The following BUB1 variants were observed in gnomAD, a reference collection of about 807,000 sequenced individuals.
BUB1 encodes mitotic checkpoint serine/threonine-protein kinase BUB1.
Under a neutral mutation model 135.2 loss-of-function variants are expected in BUB1, and 84 were observed. The ratio of observed to expected loss-of-function variants is 0.62; its 90% CI spans 0.52 to 0.74. The LOEUF (loss-of-function observed/expected upper bound fraction) is 0.74, where lower values mean the gene tolerates loss of function less well. BUB1 is among the 30% of genes least tolerant of loss of function. The pLI, the probability that BUB1 is intolerant of heterozygous loss-of-function variation, is 0.00. For missense variants in BUB1, 1,162 were observed against 1,288.3 expected, an observed-to-expected ratio of 0.90 and a Z score of 1.50; for synonymous variants, 403 against 434.4, an observed-to-expected ratio of 0.93 and a Z score of 0.90.
intron 11 of BUB1, among the ~76,000 whole-genome samples, chr2:110,659,113 G>A (rs1028588589): frequency 6.6e-6 from 1 of 152,138 alleles, no homozygotes; most frequent in Non-Finnish European, 1.5e-5. Context: ...CTGCAGTCAG[G>A]CATAGAATAC....
chr2:110,642,095 CAA>C (rs1301732912), intron 20 of BUB1, 22 bp downstream of exon 20: 2 of 1,529,112 alleles, frequency 1.3e-6, no homozygotes. Flanking sequence ...CTATATCATA[CAA>C]AAGACAACTC....
chr2:110,672,769 C>T lies in BUB1; in HGVS notation c.314G>A (p.Trp105Ter). ...GTLSSPLYIA[W>*]AGHLEAQGEL... The stretch of plus-strand genomic sequence containing the variant: ...TCCTTGGGCTTCCAGATGCCCCGCC[C>T]AGGCAATGTACAGAGGGGATGACAG... The change falls in exon 4 of 25, where the codon TGG (tryptophan) becomes TAG (stop). Residue 105 changes from tryptophan to a stop codon, truncating the protein, a stop_gained. Transcript: ENST00000302759. LOFTEE classifies it high-confidence loss of function. 1 of 1,614,148 alleles carries T rather than the reference C, an allele frequency of 6.2e-7. No homozygotes were observed. Among genetic ancestry groups the T allele is most frequent in the Non-Finnish European group, 8.5e-7 (1 of 1,180,016 alleles).
chr2:110,664,026 C>CAAA (rs77906765), intron 9 of BUB1, among the ~76,000 whole-genome samples: 3 of 42,762 alleles, frequency 7.0e-5, no homozygotes, highest in South Asian at 7.2e-4. Flanking sequence ...GACTCCATCT[C>CAAA]AAAAAAAAAA....
At chr2:110,644,058 C>CAAAAAA (rs58393999) in intron 19 of BUB1, among the ~76,000 whole-genome samples, 13 of 39,672 alleles carry the variant, frequency 3.3e-4, no homozygotes, top group Admixed American at 7.2e-4. Flanking sequence ...AACTGAAATG[C>CAAAAAA]AAAAAAAAAA....
intron 15 of BUB1, 58 bp from the exon 16 acceptor site, chr2:110,655,974 C>A: frequency 1.3e-6 from 2 of 1,503,606 alleles, no homozygotes; most frequent in African/African-American, 1.4e-5. Context: ...GTCCATGAAA[C>A]CTTATTCAAT....
chr2:110,667,748 G>A (rs1447207269), intron 7 of BUB1, 43 bp from the exon 8 acceptor site: 1 of 1,609,964 alleles, frequency 6.2e-7, no homozygotes, highest in Non-Finnish European at 8.5e-7. Context: ...ATGTACCTAA[G>A]AGCACTTAAA....
chr2:110,669,656 G>C (rs1319609378), intron 5 of BUB1, 103 bp from the exon 6 acceptor site: 21 of 694,906 alleles, frequency 3.0e-5, no homozygotes, highest in Non-Finnish European at 4.8e-5. Context: ...GGAATCATAA[G>C]AAGTAAATCA....
At chr2:110,649,205 T>A (rs1559166096) in intron 19 of BUB1, 29 bp downstream of exon 19, 27 of 1,589,812 alleles carry the variant, frequency 1.7e-5, no homozygotes, top group African/African-American at 4.1e-5. Flanking sequence ...AACAAGAATT[T>A]AAAGTTATAT....
At chr2:110,671,687 A>C (rs1690427941) in intron 4 of BUB1, among the ~76,000 whole-genome samples, 1 of 152,238 alleles carries the variant, frequency 6.6e-6, no homozygotes, top group African/African-American at 2.4e-5. Context: ...ATCTATGAAA[A>C]GAAACTAAGT....
chr2:110,662,025 A>G (rs1690114116), intron 9 of BUB1, 184 bp from the exon 10 acceptor site: 2 of 649,264 alleles, frequency 3.1e-6, no homozygotes, highest in Admixed American at 3.2e-5. Flanking sequence ...AGACCACTCT[A>G]CAAAATGGAT....
At chr2:110,639,061 T>A (rs1213294557) in intron 24 of BUB1, among the ~76,000 whole-genome samples, 1 of 152,062 alleles carries the variant, frequency 6.6e-6, no homozygotes, top group Non-Finnish European at 1.5e-5. Flanking sequence ...TTTCTGCATG[T>A]TTTTATGCCT....
intron 1 of BUB1, among the ~76,000 whole-genome samples, chr2:110,674,664 A>G (rs115552808): frequency 6.6e-6 from 1 of 152,190 alleles, no homozygotes; most frequent in Non-Finnish European, 1.5e-5. Flanking sequence ...ACGGAACCCC[A>G]ATGTCACTAC....
In BUB1 at chr2:110,672,836, G is replaced by T. The variant is rs766633214; in HGVS notation, c.247C>A (p.His83Asn). The T allele has an allele frequency of 6.2e-7, 1 of 1,608,198 alleles. No homozygotes were observed. Among genetic ancestry groups the T allele is most frequent in the Admixed American group, 1.7e-5 (1 of 58,384 alleles). ...TTGTACAGAAACTCAAAAAATTGAT[G>T]GAGGTCACTGTTGTACTCAGCCTAC... Reference protein sequence around the residue: ...LKFAEYNSDLHQFFEFLYNHG... With the variant: ...LKFAEYNSDLNQFFEFLYNHG... The change falls in exon 4 of 25, where the codon CAT becomes AAT. Residue 83 changes from histidine (H) to asparagine (N), a missense_variant. His to Asn is a moderately conservative substitution (Grantham distance 68). Coordinates refer to ENST00000302759, the MANE Select transcript of BUB1 (RefSeq NM_004336.5).
At chr2:110,651,944 ACT>A (rs1226838876) in intron 17 of BUB1, among the ~76,000 whole-genome samples, 1 of 152,010 alleles carries the variant, frequency 6.6e-6, no homozygotes, top group East Asian at 1.9e-4. Context: ...ATGTAAATAC[ACT>A]CTGATGTTCA....
Position 110,637,808 on chromosome 2 carries a change from G to T in BUB1, c.*156C>A. ...GGGACCTTATGGGGTTGTATATTTT[G>T]TTGAAATATTTATAACAACTAAGTT... is the stretch of plus-strand genomic sequence containing the variant. On this transcript the variant is annotated 3_prime_UTR_variant, in exon 25 of 25. Transcript: ENST00000302759. 1.7e-6 allele frequency: 1 copy of T among 580,082 alleles called. No homozygotes were observed. Among genetic ancestry groups the T allele is most frequent in the Non-Finnish European group, 2.6e-6 (1 of 378,576 alleles). 35.9% of individuals were successfully genotyped at this position (580,082 alleles called of 1,614,324 possible).
In BUB1 at chr2:110,678,027, C is replaced by A; in HGVS notation, c.-32G>T. 2 of 1,592,432 alleles carry A rather than the reference C, an allele frequency of 1.3e-6. No homozygotes were observed. The highest frequency in any genetic ancestry group is 1.7e-6 in the Non-Finnish European group (2 of 1,171,798). On this transcript the variant is annotated 5_prime_UTR_variant, in exon 1 of 25. Transcript: ENST00000302759. ...AGGACGCTGGCCGGCAGCGGCCAAA[C>A]CTGAACCGCAAACTAGAAGCCGCCG... is the stretch of plus-strand genomic sequence containing the variant.
chr2:110,637,821 T>C lies in BUB1; in HGVS notation c.*143A>G. ...GTTGTATATTTTGTTGAAATATTTA[T>C]AACAACTAAGTTACATGGAAATATT... On this transcript the variant is annotated 3_prime_UTR_variant, in exon 25 of 25. Transcript: ENST00000302759. The C allele has an allele frequency of 1.5e-6, 1 of 656,024 alleles. No homozygotes were observed. The highest frequency in any genetic ancestry group is 3.3e-5 in the East Asian group (1 of 30,048). The allele number at this position is 656,024 out of a possible 1,614,324, so 40.6% of individuals were successfully genotyped here. A position where few individuals can be genotyped will look rare whatever the true frequency, so the allele number is the denominator to read the frequency against.
chr2:110,659,610 C>T (rs547086320), intron 11 of BUB1, among the ~76,000 whole-genome samples: 50 of 152,316 alleles, frequency 3.3e-4, no homozygotes, highest in African/African-American at 1.2e-3. Context: ...AGACTTATCT[C>T]CTATGCAAAT....
chr2:110,677,800 C>A (rs921439705), intron 1 of BUB1, among the ~76,000 whole-genome samples, 170 bp downstream of exon 1: 1 of 152,188 alleles, frequency 6.6e-6, no homozygotes, highest in African/African-American at 2.4e-5. Context: ...CCCAAGGTGC[C>A]GGAGCCCTCC....
Sources: gnomAD v4.1 joint callset for allele counts (sites outside exome capture counted in the v4.1 genomes callset) on GRCh38, gnomAD v4.1.1 for gene constraint, MANE v1.5 for transcripts, NCBI Gene and HGNC (gene_info 2026-07-23, HGNC 2026-07-21) for gene names.